IL23R: variants seen among roughly 807,000 people sequenced by gnomAD.
IL23R encodes interleukin-23 receptor.
In IL23R, 34 loss-of-function variants were observed where a neutral mutation model predicts 56.9. That is an observed-to-expected ratio of 0.60 (90% confidence interval 0.45 to 0.80). IL23R has a LOEUF of 0.80. Among genes scored for constraint, IL23R ranks in the 30% least tolerant of loss-of-function variants. The probability of loss-of-function intolerance (pLI) is 0.00; values close to 1 mark genes in which losing one functional copy is unlikely to be tolerated. For missense variants in IL23R, 635 were observed against 730.0 expected (o/e 0.87, Z 1.50); for synonymous variants, 230 against 249.2 (o/e 0.92, Z 0.73).
At chr1:67,151,243 A>G (rs987190555) in intron 1 of IL23R, among the ~76,000 whole-genome samples, 1 of 152,056 alleles carries the variant, frequency 6.6e-6, no homozygotes, top group African/African-American at 2.4e-5. Context: ...TGGCTGCATA[A>G]ATGTCTTCTT....
intron 1 of IL23R, among the ~76,000 whole-genome samples, chr1:67,143,170 A>G (rs2102525099): frequency 6.6e-6 from 1 of 152,352 alleles, no homozygotes; most frequent in Admixed American, 6.5e-5. Context: ...TCTGTGACTC[A>G]AGACACATTT....
chr1:67,179,725 A>T (rs11900806), intron 3 of IL23R, among the ~76,000 whole-genome samples: 56 of 152,184 alleles, frequency 3.7e-4, no homozygotes, highest in Admixed American at 2.0e-3. Flanking sequence ...TGTCAATTTT[A>T]GATCTTTCCT....
intron 4 of IL23R, among the ~76,000 whole-genome samples, chr1:67,183,208 G>C (rs952778017): frequency 1.3e-5 from 2 of 152,180 alleles, no homozygotes; most frequent in Admixed American, 1.3e-4. Flanking sequence ...CTGGTAGCAG[G>C]CTCCTAATGG....
chr1:67,232,266 C>T (rs538673196), intron 7 of IL23R, among the ~76,000 whole-genome samples: 8 of 152,152 alleles, frequency 5.3e-5, no homozygotes, highest in African/African-American at 1.7e-4. Context: ...AATAACTCTA[C>T]GCTAGAAGAT....
intron 3 of IL23R, 101 bp from the exon 4 acceptor site, chr1:67,182,735 G>A: frequency 1.6e-6 from 2 of 1,219,448 alleles, no homozygotes; most frequent in Non-Finnish European, 2.4e-6. Context: ...ATTCACGCTG[G>A]GAGCTGTAGA....
chr1:67,173,700 A>T (rs544096969), intron 3 of IL23R, among the ~76,000 whole-genome samples: 14 of 152,304 alleles, frequency 9.2e-5, no homozygotes, highest in Non-Finnish European at 1.6e-4. Context: ...CGATATATGA[A>T]AATAGTTTTT....
At chr1:67,260,391 G>A (rs1194903336), downstream of IL23R, among the ~76,000 whole-genome samples, 1 of 152,108 alleles carries the variant, frequency 6.6e-6, no homozygotes, top group African/African-American at 2.4e-5. Flanking sequence ...GAAAATTATT[G>A]TTAAAACAGG....
intron 4 of IL23R, among the ~76,000 whole-genome samples, chr1:67,194,431 G>A (rs1392805048): frequency 1.3e-5 from 2 of 152,162 alleles, no homozygotes; most frequent in Non-Finnish European, 2.9e-5. Context: ...GGTTTTAGGA[G>A]CTGTGTGCTG....
intron 1 of IL23R, among the ~76,000 whole-genome samples, chr1:67,167,827 CT>C (rs1646891468): frequency 6.6e-6 from 1 of 152,162 alleles, no homozygotes; most frequent in Non-Finnish European, 1.5e-5. Flanking sequence ...ATCAAATGCC[CT>C]ACTGAGTTAA....
intron 9 of IL23R, among the ~76,000 whole-genome samples, chr1:67,255,095 T>G (rs1652865804): frequency 6.6e-6 from 1 of 152,214 alleles, no homozygotes; most frequent in Non-Finnish European, 1.5e-5. Context: ...AGCCTAAATT[T>G]TAGGGCTTTA....
intron 4 of IL23R, among the ~76,000 whole-genome samples, chr1:67,184,041 C>T (rs1647205742): frequency 6.6e-6 from 1 of 151,938 alleles, no homozygotes. Flanking sequence ...CAAGATCAGC[C>T]TGGCCAACAT....
In IL23R at chr1:67,144,640, T is replaced by C. The variant is rs533984462; in HGVS notation, c.-634+5479T>C. On this transcript the variant is annotated intron_variant, in intron 1 of 10. Coordinates refer to the IL23R transcript ENST00000637002. ...ATTAATTCTAGAACGATTGATACTC[T>C]GTCAAAGTCCTCCTATAATTCCTTT... Among the ~76,000 whole-genome samples the C allele has an allele frequency of 5.7e-4, 87 of 152,346 alleles. 1 individual carries two copies. Among genetic ancestry groups the C allele is most frequent in the Non-Finnish European group, 1.2e-3 (79 of 68,032 alleles).
intron 7 of IL23R, among the ~76,000 whole-genome samples, chr1:67,222,366 T>A (rs1028112874): frequency 6.6e-6 from 1 of 152,114 alleles, no homozygotes; most frequent in African/African-American, 2.4e-5. Context: ...ATCCGCCCGC[T>A]TTGGCCTCCC....
chr1:67,256,276 C>G (rs1652942899), intron 10 of IL23R, among the ~76,000 whole-genome samples: 1 of 152,120 alleles, frequency 6.6e-6, no homozygotes, highest in South Asian at 2.1e-4. Flanking sequence ...ATGAAATGAG[C>G]CTCAAAGATT....
At chr1:67,242,313 G>T (rs962090165) in intron 9 of IL23R, among the ~76,000 whole-genome samples, 3 of 152,094 alleles carry the variant, frequency 2.0e-5, no homozygotes, top group African/African-American at 7.2e-5. Context: ...ATCCATCAAA[G>T]TATAACATTA....
chr1:67,203,833 T>G (rs6588250), intron 5 of IL23R, among the ~76,000 whole-genome samples: 121,459 of 152,160 alleles, frequency 0.8, 48,859 homozygotes, highest in East Asian at 0.99. Flanking sequence ...TAGTAGCACA[T>G]TAACACTTGC....
intron 5 of IL23R, among the ~76,000 whole-genome samples, chr1:67,202,813 G>C (rs1648734635): frequency 1.3e-5 from 2 of 152,018 alleles, no homozygotes. Flanking sequence ...TGGCTCAAGC[G>C]ATCCTCCTGC....
At chr1:67,167,316 C>T (rs534694635) in intron 1 of IL23R, among the ~76,000 whole-genome samples, 5 of 152,344 alleles carry the variant, frequency 3.3e-5, no homozygotes, top group Admixed American at 1.3e-4. Flanking sequence ...AGCAATCCAC[C>T]GGCCTCTGCC....
At chr1:67,176,302 G>A (rs1647007882) in intron 3 of IL23R, among the ~76,000 whole-genome samples, 1 of 152,176 alleles carries the variant, frequency 6.6e-6, no homozygotes, top group Non-Finnish European at 1.5e-5. Context: ...AGAAGAAGAG[G>A]AATGGATATT....
Sources: allele counts gnomAD v4.1 joint callset (sites outside exome capture counted in the v4.1 genomes callset), GRCh38; gene constraint gnomAD v4.1.1; transcripts MANE v1.5; gene names NCBI Gene and HGNC (gene_info 2026-07-23, HGNC 2026-07-21).